The following PIK3R1 variants were observed in gnomAD, a reference collection of about 807,000 sequenced individuals.
The protein encoded by PIK3R1 is phosphatidylinositol 3-kinase regulatory subunit alpha.
Under a neutral mutation model 98.0 loss-of-function variants are expected in PIK3R1, and 29 were observed. That is an observed-to-expected ratio of 0.30 (90% CI 0.22 to 0.40). The LOEUF (loss-of-function observed/expected upper bound fraction) is 0.40. PIK3R1 is among the 10% of genes least tolerant of loss of function. The probability of loss-of-function intolerance (pLI) is 1.00; values close to 1 mark genes in which losing one functional copy is unlikely to be tolerated. For synonymous variants in PIK3R1, 282 were observed against 311.8 expected, an observed-to-expected ratio of 0.90 and a Z score of 1.01; for missense variants, 596 against 872.7, an observed-to-expected ratio of 0.68 and a Z score of 3.99.
At chr5:68,288,370 C>T in intron 7 of PIK3R1, 8 of 1,084,570 alleles carry the variant, frequency 7.4e-6, no homozygotes, top group Non-Finnish European at 9.1e-6. Context: ...AAGCTGCGAT[C>T]TTTATCTAAG....
chr5:68,257,057 T>C (rs1170943988), intron 2 of PIK3R1, among the ~76,000 whole-genome samples: 1 of 152,208 alleles, frequency 6.6e-6, no homozygotes, highest in Non-Finnish European at 1.5e-5. Context: ...CCTTTCATGG[T>C]CCAGTCTGAG....
chr5:68,291,057 A>G (rs1329404156), intron 7 of PIK3R1: 2 of 394,820 alleles, frequency 5.1e-6, no homozygotes, highest in Non-Finnish European at 9.0e-6. Context: ...ACTTGAATGG[A>G]TATGAATTGA....
At chr5:68,297,334 T>C in intron 15 of PIK3R1, 78 bp from the exon 16 acceptor site, 2 of 1,238,390 alleles carry the variant, frequency 1.6e-6, no homozygotes, top group Non-Finnish European at 2.3e-6. Flanking sequence ...CAATAATGCT[T>C]TTTATTAAAG....
intron 4 of PIK3R1, among the ~76,000 whole-genome samples, chr5:68,277,063 G>A (rs1477947755): frequency 6.6e-6 from 1 of 152,196 alleles, no homozygotes; most frequent in Non-Finnish European, 1.5e-5. Flanking sequence ...AGGGAGGGAT[G>A]TGTGCATATT....
intron 1 of PIK3R1, among the ~76,000 whole-genome samples, chr5:68,216,999 A>G (rs913957204): frequency 2.0e-5 from 3 of 152,162 alleles, no homozygotes; most frequent in Non-Finnish European, 4.4e-5. Context: ...GAAAGGTCTC[A>G]CTTCCACCGT....
rs1747939313 is a variant in PIK3R1, at chr5:68,299,827, C to G, written c.*2226C>G. ...ACTTAAGCAAAAGTCAGTCTTATAG[C>G]AAGACTGTTAGCCCTCAAACTTGAC... On this transcript the variant is annotated 3_prime_UTR_variant, in exon 16 of 16. Transcript: ENST00000521381. The G allele has an allele frequency of 4.3e-6, 1 of 233,172 alleles. No individual in the cohort carries two copies. The highest frequency in any genetic ancestry group is 5.6e-5 in the Admixed American group (1 of 17,792). 14.4% of individuals were successfully genotyped at this position (233,172 alleles called of 1,614,324 possible). A position where few individuals can be genotyped will look rare whatever the true frequency, so the allele number is the denominator to read the frequency against.
At chr5:68,262,411 C>CAT (rs1561277563) in intron 2 of PIK3R1, among the ~76,000 whole-genome samples, 2 of 140,980 alleles carry the variant, frequency 1.4e-5, no homozygotes, top group Non-Finnish European at 3.1e-5. Flanking sequence ...TATACACACA[C>CAT]GCACACACAC....
At chr5:68,268,548 G>A (rs966233853) in intron 2 of PIK3R1, among the ~76,000 whole-genome samples, 2 of 152,192 alleles carry the variant, frequency 1.3e-5, no homozygotes, top group Non-Finnish European at 2.9e-5. Context: ...CTCAGCAGCA[G>A]TTAGCAGACA....
At chr5:68,283,090 A>G (rs1746917220) in intron 7 of PIK3R1, among the ~76,000 whole-genome samples, 1 of 152,248 alleles carries the variant, frequency 6.6e-6, no homozygotes, top group Non-Finnish European at 1.5e-5. Flanking sequence ...AAAAAATGCA[A>G]TAATTTCTTA....
chr5:68,225,152 T>G (rs748004287), intron 1 of PIK3R1, among the ~76,000 whole-genome samples: 4 of 152,256 alleles, frequency 2.6e-5, no homozygotes, highest in Non-Finnish European at 5.9e-5. Flanking sequence ...CTCTTCTTCC[T>G]TGTTTTTGGG....
At position 68,225,152 on chromosome 5, in the gene PIK3R1, T is replaced by C. The variant is rs748004287; in HGVS notation, c.-386-1138T>C. ...ATTTTCCTACTTGAACTCTTCTTCC[T>C]TGTTTTTGGGATGTTGTCTCTAAAC... On this transcript the variant is annotated intron_variant, in intron 1 of 15. Transcript: ENST00000521381. Among the ~76,000 whole-genome samples, 8 of 152,374 alleles carry C rather than the reference T, an allele frequency of 5.3e-5. No homozygotes were observed. In the East Asian group the frequency reaches 1.3e-3, roughly 26 times the overall value.
intron 2 of PIK3R1, among the ~76,000 whole-genome samples, chr5:68,262,202 G>A (rs1321692384): frequency 6.6e-6 from 1 of 151,732 alleles, no homozygotes; most frequent in Non-Finnish European, 1.5e-5. Context: ...CTCTCTGAGG[G>A]AAGCTTTTAG....
chr5:68,299,383 C>T lies in PIK3R1; in HGVS notation c.*1782C>T, dbSNP rs1747914283. Reference sequence around the variant, plus strand: ...CTAAAGTCATGGTCATTGCAGGAATCCAAGTGGCAGTCCTTCTCATTCATT... The same window carrying T: ...CTAAAGTCATGGTCATTGCAGGAATTCAAGTGGCAGTCCTTCTCATTCATT... On this transcript the variant is annotated 3_prime_UTR_variant, in exon 16 of 16. Transcript: ENST00000521381. The T allele has an allele frequency of 4.3e-6, 1 of 233,564 alleles. No homozygotes were observed. Among genetic ancestry groups the T allele is most frequent in the Non-Finnish European group, 8.5e-6 (1 of 118,020 alleles). 14.5% of individuals were successfully genotyped at this position (233,564 alleles called of 1,614,324 possible). A position where few individuals can be genotyped will look rare whatever the true frequency, so the allele number is the denominator to read the frequency against.
chr5:68,288,499 G>T (rs559257481), intron 7 of PIK3R1: 5 of 1,315,394 alleles, frequency 3.8e-6, no homozygotes, highest in Admixed American at 4.2e-5. Flanking sequence ...CGGGCGGGGC[G>T]TGGGGCGGAG....
intron 2 of PIK3R1, among the ~76,000 whole-genome samples, chr5:68,235,400 CAAAATAAA>C (rs1478379948): frequency 1.6e-5 from 2 of 121,350 alleles, no homozygotes; most frequent in African/African-American, 6.6e-5. Flanking sequence ...GAAAGTGTCT[CAAAATAAA>C]TAAATAAATA....
chr5:68,244,520 C>CCCA (rs1383840465), intron 2 of PIK3R1, among the ~76,000 whole-genome samples: 1 of 31,330 alleles, frequency 3.2e-5, no homozygotes, highest in Non-Finnish European at 6.6e-5. Context: ...GGACCGCCCC[C>CCCA]CCGCCCCCCG....
At chr5:68,262,846 G>GATACATGTAGATACATGT (rs1344876957) in intron 2 of PIK3R1, among the ~76,000 whole-genome samples, 2 of 34,640 alleles carry the variant, frequency 5.8e-5, no homozygotes, top group African/African-American at 2.6e-4. Context: ...TATACATGTA[G>GATACATGTAGATACATGT]ATACATGTAG....
intron 10 of PIK3R1, 47 bp downstream of exon 10, chr5:68,293,530 TC>T (rs1561297868): frequency 1.4e-6 from 2 of 1,453,316 alleles, no homozygotes; most frequent in Admixed American, 1.9e-5. Flanking sequence ...TTAGACAAGA[TC>T]CTTTTAATAC....
In PIK3R1 at chr5:68,294,637, A is replaced by G. The variant is rs757620613; in HGVS notation, c.1527A>G (p.Ile509Met). 1 of 1,610,636 alleles carries G rather than the reference A, an allele frequency of 6.2e-7. No individual in the cohort carries two copies. The highest frequency in any genetic ancestry group is 8.5e-7 in the Non-Finnish European group (1 of 1,178,714). Residue 509 changes from isoleucine to methionine, a missense_variant, in exon 12 of 16, where the codon ATA becomes ATG. Around this residue, in one of 3 missense-constraint regions of PIK3R1, gnomAD observed 207 missense variants for 361.4 expected, o/e 0.57. Coordinates refer to ENST00000521381, the MANE Select transcript of PIK3R1 (RefSeq NM_181523.3). The stretch of plus-strand genomic sequence containing the variant: ...AAGAGCGGTACAGCAAAGAATACAT[A>G]GAAAAGTTTAAACGTGAAGGCAATG... Reference protein sequence around the residue: ...QTQERYSKEYIEKFKREGNEK... With the variant: ...QTQERYSKEYMEKFKREGNEK...
Sources: gnomAD v4.1 joint callset for allele counts (sites outside exome capture counted in the v4.1 genomes callset) on GRCh38, gnomAD v4.1.1 for gene constraint, gnomAD v4.1.1 regional missense constraint, MANE v1.5 for transcripts, NCBI Gene and HGNC (gene_info 2026-07-23, HGNC 2026-07-21) for gene names.